Variants in PROS1 observed in about 807,000 individuals in gnomAD.
PROS1 encodes protein S.
Under a neutral mutation model 75.9 loss-of-function variants are expected in PROS1, and 29 were observed. The observed-to-expected ratio is 0.38, with a 90% confidence interval of 0.28 to 0.52. The LOEUF is 0.52. PROS1 is among the 20% of genes least tolerant of loss of function. The pLI is 0.83. For synonymous variants in PROS1, 245 were observed against 280.6 expected (o/e 0.87, Z 1.27); for missense variants, 680 against 810.3 (o/e 0.84, Z 1.95).
intron 1 of PROS1, among the ~76,000 whole-genome samples, chr3:93,947,856 C>G (rs944345379): frequency 6.6e-6 from 1 of 152,120 alleles, no homozygotes; most frequent in Non-Finnish European, 1.5e-5. Context: ...GTGTGAGCCA[C>G]CACACCCAGC....
chr3:93,895,502 C>T (rs5001070), intron 9 of PROS1, among the ~76,000 whole-genome samples: 50 of 152,192 alleles, frequency 3.3e-4, no homozygotes, highest in East Asian at 3.1e-3. Flanking sequence ...TTTTTAATAA[C>T]GTCTATGAAT....
chr3:93,914,538 C>T (rs1576191779), intron 3 of PROS1, among the ~76,000 whole-genome samples: 1 of 152,180 alleles, frequency 6.6e-6, no homozygotes, highest in East Asian at 1.9e-4. Context: ...CTGCAGGTGC[C>T]CCTCTGGAAA....
intron 1 of PROS1, among the ~76,000 whole-genome samples, chr3:93,946,229 C>G (rs1006983067): frequency 6.6e-6 from 1 of 152,086 alleles, no homozygotes; most frequent in Non-Finnish European, 1.5e-5. Context: ...GGCCATACTG[C>G]CCAAGGTAAT....
At chr3:93,961,389 T>C (rs1709703641) in intron 1 of PROS1, among the ~76,000 whole-genome samples, 1 of 152,174 alleles carries the variant, frequency 6.6e-6, no homozygotes, top group Non-Finnish European at 1.5e-5. Context: ...TAGAAGCAAA[T>C]TGCCATGTTA....
chr3:93,912,169 C>T (rs761975368), intron 3 of PROS1, among the ~76,000 whole-genome samples: 29 of 152,158 alleles, frequency 1.9e-4, no homozygotes, highest in Non-Finnish European at 2.5e-4. Context: ...CCTTTCCTTG[C>T]CTTTTCCAGC....
intron 1 of PROS1, among the ~76,000 whole-genome samples, chr3:93,945,317 T>A (rs1441367802): frequency 6.6e-6 from 1 of 152,156 alleles, no homozygotes; most frequent in African/African-American, 2.4e-5. Flanking sequence ...GAGGCCAGCA[T>A]CATCCTGATA....
At chr3:93,945,969 T>C (rs1044924874) in intron 1 of PROS1, among the ~76,000 whole-genome samples, 2 of 152,174 alleles carry the variant, frequency 1.3e-5, no homozygotes, top group African/African-American at 2.4e-5. Flanking sequence ...AGTCTCAGGA[T>C]ACAAAATCAA....
At chr3:93,901,431 T>C (rs556841723) in intron 6 of PROS1, among the ~76,000 whole-genome samples, 2 of 152,324 alleles carry the variant, frequency 1.3e-5, no homozygotes, top group African/African-American at 4.8e-5. Context: ...TAATCCAATA[T>C]GAATTTAGTG....
chr3:93,939,403 A>G (rs1385954933), intron 1 of PROS1, among the ~76,000 whole-genome samples: 1 of 151,434 alleles, frequency 6.6e-6, no homozygotes, highest in Non-Finnish European at 1.5e-5. Flanking sequence ...CTACCAACCA[A>G]TCTGATCTCT....
chr3:93,973,298 G>A (rs958478003), intron 1 of PROS1, among the ~76,000 whole-genome samples: 3 of 152,140 alleles, frequency 2.0e-5, no homozygotes, highest in African/African-American at 7.2e-5. Context: ...CTTGGACAAA[G>A]GGAAGACACA....
chr3:93,973,853 G>T lies in PROS1; in HGVS notation c.-104C>A. On this transcript the variant is annotated 5_prime_UTR_variant, in exon 1 of 15. Transcript: ENST00000394236. ...GAGCCTGTGCGCCTCGGTCTGAGCC[G>T]TGCTGCGCGGCGGCGCCAGCGACCC... 1.1e-6 allele frequency: 1 copy of T among 933,994 alleles called. No individual in the cohort carries two copies. The highest frequency in any genetic ancestry group is 1.4e-6 in the Non-Finnish European group (1 of 692,344). 57.9% of individuals were successfully genotyped at this position (933,994 alleles called of 1,614,324 possible).
chr3:93,928,868 A>G (rs1709065746), intron 1 of PROS1: 2 of 584,868 alleles, frequency 3.4e-6, no homozygotes, highest in East Asian at 7.3e-5. Flanking sequence ...TAAACATTAT[A>G]AAGTGTTCAA....
chr3:93,927,993 G>GTATATATATATA (rs1553814546), intron 1 of PROS1, among the ~76,000 whole-genome samples: 3 of 25,606 alleles, frequency 1.2e-4, no homozygotes, highest in African/African-American at 1.6e-4. Flanking sequence ...GTGTGTGTGT[G>GTATATATATATA]TATATATATA....
intron 1 of PROS1, among the ~76,000 whole-genome samples, chr3:93,960,370 G>A (rs1399828707): frequency 6.6e-6 from 1 of 151,570 alleles, no homozygotes; most frequent in African/African-American, 2.4e-5. Flanking sequence ...GTAGAGATGA[G>A]TTTCACTGTG....
chr3:93,963,738 C>A (rs1251884747), intron 1 of PROS1, among the ~76,000 whole-genome samples: 3 of 152,058 alleles, frequency 2.0e-5, no homozygotes, highest in African/African-American at 4.8e-5. Context: ...CCAGATCTCA[C>A]GTGAACCTCT....
At chr3:93,973,009 A>G (rs1245456460) in intron 1 of PROS1, among the ~76,000 whole-genome samples, 3 of 152,220 alleles carry the variant, frequency 2.0e-5, no homozygotes, top group Non-Finnish European at 2.9e-5. Flanking sequence ...AAGGACATAA[A>G]GAACCTGAAA....
intron 4 of PROS1, among the ~76,000 whole-genome samples, chr3:93,910,108 C>T (rs1708737914): frequency 6.6e-6 from 1 of 152,092 alleles, no homozygotes; most frequent in Admixed American, 6.6e-5. Flanking sequence ...GCACCATTTG[C>T]TTTTACTAAT....
chr3:93,971,627 CCACACACACA>C (rs748664337), intron 1 of PROS1, among the ~76,000 whole-genome samples: 64 of 124,454 alleles, frequency 5.1e-4, no homozygotes, highest in African/African-American at 1.2e-3. Flanking sequence ...AAAATAAAAA[CCACACACACA>C]CACACACACA....
intron 10 of PROS1, among the ~76,000 whole-genome samples, chr3:93,888,612 T>G (rs1306406853): frequency 2.6e-5 from 4 of 152,186 alleles, no homozygotes; most frequent in Non-Finnish European, 5.9e-5. Context: ...CCCCTCTTTA[T>G]GCTGAGTATT....
Sources: allele counts gnomAD v4.1 joint callset (sites outside exome capture counted in the v4.1 genomes callset), GRCh38; gene constraint gnomAD v4.1.1; transcripts MANE v1.5; gene names NCBI Gene and HGNC (gene_info 2026-07-23, HGNC 2026-07-21).